CHD1: variants seen among roughly 807,000 people sequenced by gnomAD.
CHD1 encodes the protein ATP-dependent chromatin remodeler CHD1.
CHD1 carries 36 observed loss-of-function variants against 224.2 expected under a neutral mutation model. The observed-to-expected ratio is 0.16, with a 90% CI of 0.12 to 0.21. CHD1 has a LOEUF of 0.21. CHD1 is among the 10% of genes least tolerant of loss of function. The probability of loss-of-function intolerance (pLI) is 1.00; values close to 1 mark genes in which losing one functional copy is unlikely to be tolerated. For missense variants in CHD1, 1,378 were observed against 1,994.8 expected, an observed-to-expected ratio of 0.69 and a Z score of 5.89; for synonymous variants, 668 against 658.3, an observed-to-expected ratio of 1.01 and a Z score of -0.23.
intron 2 of CHD1, among the ~76,000 whole-genome samples, chr5:98,918,767 A>C (rs1022595607): frequency 7.4e-6 from 1 of 134,422 alleles, no homozygotes; most frequent in Non-Finnish European, 1.6e-5. Context: ...AAAAAAAAAA[A>C]ACAAAAAAAA....
chr5:98,911,067 CAGG>C (rs1752357417), intron 2 of CHD1, among the ~76,000 whole-genome samples: 1 of 143,298 alleles, frequency 7.0e-6, no homozygotes, highest in Admixed American at 7.2e-5. Flanking sequence ...TGAGAAATGG[CAGG>C]CTCTAAGGCT....
chr5:98,863,347 A>C (rs1022869897), intron 32 of CHD1, 61 bp downstream of exon 32: 52 of 966,928 alleles, frequency 5.4e-5, no homozygotes, highest in East Asian at 3.0e-4. Context: ...AAGAAAACAA[A>C]AAAAAAAAAA....
chr5:98,896,578 A>C (rs955608623), intron 11 of CHD1, 136 bp from the exon 12 acceptor site: 8 of 613,290 alleles, frequency 1.3e-5, no homozygotes, highest in Non-Finnish European at 2.0e-5. Context: ...ACTTTTATTA[A>C]CTACAAATAA....
Position 98,897,355 on chromosome 5 carries a change from T to C in CHD1, c.1366-35A>G, listed in dbSNP as rs544969816. 6 of 1,415,166 alleles carry C rather than the reference T, an allele frequency of 4.2e-6. No homozygotes were observed. The East Asian group carries it at 7.0e-5, about 17-fold the overall frequency. 87.7% of individuals were successfully genotyped at this position (1,415,166 alleles called of 1,614,324 possible). A position where few individuals can be genotyped will look rare whatever the true frequency, so the allele number is the denominator to read the frequency against. On this transcript the variant is annotated intron_variant, in intron 10 of 35. Transcript: ENST00000614616. The stretch of plus-strand genomic sequence containing the variant: ...AAATAAACATTATTATGTAGAGTTA[T>C]TAAATATAAGAAATTATACTAAAAG...
intron 18 of CHD1, among the ~76,000 whole-genome samples, chr5:98,884,291 G>C (rs1750480016): frequency 6.6e-6 from 1 of 151,828 alleles, no homozygotes; most frequent in South Asian, 2.1e-4. Flanking sequence ...AGCCAGAATG[G>C]TCTCGATCTC....
At chr5:98,913,213 G>A (rs934454684) in intron 2 of CHD1, among the ~76,000 whole-genome samples, 2 of 152,150 alleles carry the variant, frequency 1.3e-5, no homozygotes, top group African/African-American at 2.4e-5. Context: ...GCTCACACCT[G>A]TAATCCCAAC....
rs1284031365 is a variant in CHD1 at position 98,877,441 on chromosome 5, C to T, written c.3238-883G>A. Among the ~76,000 whole-genome samples the T allele has an allele frequency of 8.5e-5, 13 of 152,172 alleles. No individual in the cohort carries two copies. The East Asian group carries it at 2.5e-3, about 29-fold the overall frequency. On this transcript the variant is annotated intron_variant, in intron 23 of 35. Transcript: ENST00000614616. ...ACAGATTGATTAGCTGTCTTTTTTT[C>T]CGTTCTGCTTAATATCCACATATTG...
Position 98,863,414 on chromosome 5 carries a change from C to A in CHD1, c.4421G>T (p.Trp1474Leu). ...TGAAAAGTGTATCACTTACTTTCTC[C>A]ATTGCTTAATTTGTTCAGGATTTGT... ...EYTNPEQIKQ[W>L]RKNLWIFVSK... Residue 1474 changes from tryptophan to leucine, a missense_variant, in exon 32 of 36, where the codon TGG (tryptophan) becomes TTG (leucine). Physicochemically the swap from Trp to Leu is moderately conservative, Grantham distance 61. Transcript: ENST00000614616. The A allele has an allele frequency of 1.3e-6, 2 of 1,526,836 alleles. No homozygotes were observed. The highest frequency in any genetic ancestry group is 2.6e-5 in the South Asian group (2 of 77,686). 94.6% of individuals were successfully genotyped at this position (1,526,836 alleles called of 1,614,324 possible).
intron 24 of CHD1, among the ~76,000 whole-genome samples, chr5:98,875,605 A>C (rs1302168539): frequency 6.6e-6 from 1 of 152,218 alleles, no homozygotes; most frequent in East Asian, 1.9e-4. Flanking sequence ...CAGGTAAAGT[A>C]GAAGTCGAAA....
At position 98,884,770 on chromosome 5, in the gene CHD1, C is replaced by T. The variant is rs543380403; in HGVS notation, c.2568+808G>A. Among the ~76,000 whole-genome samples the T allele has an allele frequency of 8.0e-5, 12 of 149,888 alleles. No homozygotes were observed. In the South Asian group the frequency reaches 2.1e-3, roughly 26 times the overall value. On this transcript the variant is annotated intron_variant, in intron 18 of 35. Transcript: ENST00000614616. ...CTCACTCTATTGCCTGGGCTAGAGTCTAGTGACATGATCATGGCTCACCGC... is the reference window on the plus strand; with the variant it reads ...CTCACTCTATTGCCTGGGCTAGAGTTTAGTGACATGATCATGGCTCACCGC...
intron 35 of CHD1, among the ~76,000 whole-genome samples, chr5:98,857,070 T>C (rs1748088673): frequency 6.6e-6 from 1 of 152,120 alleles, no homozygotes; most frequent in Non-Finnish European, 1.5e-5. Flanking sequence ...TACAACTATC[T>C]GAAATACTCC....
At chr5:98,896,824 G>C (rs1751372476) in intron 11 of CHD1, among the ~76,000 whole-genome samples, 1 of 147,188 alleles carries the variant, frequency 6.8e-6, no homozygotes. Flanking sequence ...TTGCAACCGA[G>C]ATTCACAAAA....
intron 2 of CHD1, among the ~76,000 whole-genome samples, chr5:98,923,068 A>T (rs909465504): frequency 6.6e-6 from 1 of 152,144 alleles, no homozygotes; most frequent in East Asian, 1.9e-4. Context: ...AAATCCCTCT[A>T]CCTCTAAAGT....
intron 18 of CHD1, among the ~76,000 whole-genome samples, chr5:98,885,222 T>C (rs900817018): frequency 3.9e-5 from 6 of 152,038 alleles, no homozygotes; most frequent in Non-Finnish European, 5.9e-5. Flanking sequence ...TGAAGCCCCA[T>C]CTCTACTAAA....
At chr5:98,874,235 T>A (rs1213604758) in intron 25 of CHD1, among the ~76,000 whole-genome samples, 4 of 152,134 alleles carry the variant, frequency 2.6e-5, no homozygotes, top group Admixed American at 2.6e-4. Context: ...AATAAACTAA[T>A]TTGAGTCTTT....
At chr5:98,910,225 T>C (rs971989748) in intron 2 of CHD1, among the ~76,000 whole-genome samples, 1 of 152,088 alleles carries the variant, frequency 6.6e-6, no homozygotes, top group African/African-American at 2.4e-5. Context: ...ATCACTCGGG[T>C]TGAGTTGGTT....
intron 2 of CHD1, among the ~76,000 whole-genome samples, chr5:98,921,683 TAAAC>T (rs1378393551): frequency 2.0e-5 from 3 of 152,216 alleles, no homozygotes; most frequent in African/African-American, 4.8e-5. Context: ...ATCAAGATCT[TAAAC>T]AAGCAGCTAC....
chr5:98,865,539 T>G (rs1447283393), intron 31 of CHD1, among the ~76,000 whole-genome samples: 1 of 152,176 alleles, frequency 6.6e-6, no homozygotes, highest in Admixed American at 6.5e-5. Context: ...AAACTGAAAC[T>G]TAGAATACAA....
chr5:98,867,674 A>C (rs1748985121), intron 31 of CHD1, among the ~76,000 whole-genome samples: 1 of 150,750 alleles, frequency 6.6e-6, no homozygotes, highest in South Asian at 2.1e-4. Context: ...CCCTCTTCTT[A>C]AAAGTCTTTA....
Sources: gnomAD v4.1 joint callset for allele counts (sites outside exome capture counted in the v4.1 genomes callset) on GRCh38, gnomAD v4.1.1 for gene constraint, MANE v1.5 for transcripts, NCBI Gene and HGNC (gene_info 2026-07-23, HGNC 2026-07-21) for gene names.